ACADVL: variants seen among roughly 807,000 people sequenced by gnomAD.
The protein encoded by ACADVL is very long-chain acyl-CoA dehydrogenase, mitochondrial.
ACADVL carries 73 observed loss-of-function variants against 80.4 expected under a neutral mutation model. The ratio of observed to expected loss-of-function variants is 0.91; its 90% CI spans 0.75 to 1.10. The LOEUF is 1.10. Among genes scored for constraint, ACADVL ranks in the 50% least tolerant of loss-of-function variants. ACADVL has a pLI of 0.00. For synonymous variants in ACADVL, 392 were observed against 326.5 expected (o/e 1.20, Z -2.16); for missense variants, 878 against 858.9 (o/e 1.02, Z -0.28).
Position 7,224,394 on chromosome 17 carries a change from G to A in ACADVL, c.1605+1G>A. 1.2e-6 allele frequency: 2 copies of A among 1,613,796 alleles called. No individual in the cohort carries two copies. The highest frequency in any genetic ancestry group is 1.7e-6 in the Non-Finnish European group (2 of 1,179,876). ...GGAGTTGAGTCGGAGTGGCGAGCTGGTAAGTGGCCAGGGGTCCAGGAGAGC... is the reference window on the plus strand; with the variant it reads ...GGAGTTGAGTCGGAGTGGCGAGCTGATAAGTGGCCAGGGGTCCAGGAGAGC... On this transcript the variant is annotated splice_donor_variant, in intron 16 of 19. Transcript: ENST00000356839. LOFTEE classifies it high-confidence loss of function.
intron 6 of ACADVL, 80 bp downstream of exon 6, chr17:7,221,138 A>T: frequency 1.2e-6 from 2 of 1,600,646 alleles, no homozygotes; most frequent in Non-Finnish European, 1.7e-6. Context: ...AGACCTAGAG[A>T]CTAGGGCTAA....
chr17:7,218,099 G>C (rs771980584), upstream of ACADVL: 2 of 748,644 alleles, frequency 2.7e-6, no homozygotes, highest in African/African-American at 3.5e-5. Flanking sequence ...GTGCATTCTC[G>C]GTGCCCCAAG....
upstream of ACADVL, chr17:7,217,548 CGGGGG>C (rs2070983068): frequency 5.5e-6 from 1 of 183,368 alleles, no homozygotes; most frequent in Non-Finnish European, 6.2e-6. Flanking sequence ...GGGGCCGTGG[CGGGGG>C]AGTGGGGTGG....
chr17:7,224,177 G>A lies in ACADVL; in HGVS notation c.1466G>A (p.Ser489Asn). Residue 489 changes from serine (S) to asparagine (N), a missense_variant, in exon 15 of 20, where the codon AGT becomes AAT. By Grantham distance (46) the Ser-to-Asn change is conservative. Coordinates refer to ENST00000356839, the MANE Select transcript of ACADVL (RefSeq NM_000018.4). ...GGAAAGGAGCTCTCTGGGCTTGGCAGTGCTCTAAAGAATCCCTTTGGGAAT... is the reference window on the plus strand; with the variant it reads ...GGAAAGGAGCTCTCTGGGCTTGGCAATGCTCTAAAGAATCCCTTTGGGAAT... ...DKGKELSGLG[S>N]ALKNPFGNAG... is the part of the protein sequence containing the mutation. 6.2e-7 allele frequency: 1 copy of A among 1,614,148 alleles called. No homozygotes were observed. The highest frequency in any genetic ancestry group is 8.5e-7 in the Non-Finnish European group (1 of 1,180,026).
chr17:7,219,921 T>TGGGCGTGCAGGACTC, upstream of ACADVL: 1 of 1,555,336 alleles, frequency 6.4e-7, no homozygotes. Flanking sequence ...CGCCAGGACG[T>TGGGCGTGCAGGACTC]GGGCGTGCAG....
intron 9 of ACADVL, 92 bp downstream of exon 9, chr17:7,222,394 G>A: frequency 1.9e-6 from 3 of 1,544,106 alleles, no homozygotes; most frequent in South Asian, 2.4e-5. Flanking sequence ...GGGGACGTGT[G>A]CAAAAGCCAA....
At chr17:7,218,160 G>T, upstream of ACADVL, 1 of 1,300,848 alleles carries the variant, frequency 7.7e-7, no homozygotes. Flanking sequence ...CAAGATTCCA[G>T]GTAATATTAG....
chr17:7,224,762 G>A (rs1478376757), intron 18 of ACADVL, 47 bp from the exon 19 acceptor site: 3 of 1,613,382 alleles, frequency 1.9e-6, no homozygotes, highest in Non-Finnish European at 2.5e-6. Context: ...GCCTGGGCCT[G>A]GATCCCAGCC....
chr17:7,221,898 A>C (rs1567563763), intron 7 of ACADVL, 54 bp from the exon 8 acceptor site: 2 of 1,613,518 alleles, frequency 1.2e-6, no homozygotes, highest in East Asian at 4.5e-5. Flanking sequence ...AAGTGGGCCG[A>C]GGGGACTTTG....
chr17:7,222,102 C>G, intron 8 of ACADVL, 21 bp downstream of exon 8: 2 of 1,614,170 alleles, frequency 1.2e-6, no homozygotes, highest in Non-Finnish European at 1.7e-6. Flanking sequence ...TCCCATTTCT[C>G]CCCTTCTCCT....
chr17:7,219,390 TG>T (rs545407818), upstream of ACADVL: 6 of 1,014,212 alleles, frequency 5.9e-6, no homozygotes, highest in Non-Finnish European at 5.9e-6. Context: ...GCAGTGAATC[TG>T]GGGGGGTCTT....
Position 7,223,691 on chromosome 17 carries a change from C to G in ACADVL, c.1230C>G (p.Asp410Glu). 6.2e-7 allele frequency: 1 copy of G among 1,614,156 alleles called. No individual in the cohort carries two copies. The highest frequency in any genetic ancestry group is 1.3e-5 in the African/African-American group (1 of 75,042). ...VSANMDQGAT[D>E]FQIEAAISKI... Reference sequence around the variant, plus strand: ...CTAACATGGACCAGGGAGCCACGGACTTCCAGATAGAGGCCGCCATCAGCA... The same window carrying G: ...CTAACATGGACCAGGGAGCCACGGAGTTCCAGATAGAGGCCGCCATCAGCA... The change falls in exon 12 of 20, where the codon GAC becomes GAG. Residue 410 changes from aspartate (D) to glutamate (E), a missense_variant. Asp to Glu is a conservative substitution (Grantham distance 45). Transcript: ENST00000356839.
At chr17:7,217,786 C>A (rs72839706), upstream of ACADVL, 47,789 of 1,535,062 alleles carry the variant, frequency 0.031, 927 homozygotes, top group Middle Eastern at 0.041. Context: ...GGAGACCTGG[C>A]CAGCCACCAG....
chr17:7,222,937 A>T lies in ACADVL; in HGVS notation c.1077+72A>T. 1.9e-6 allele frequency: 3 copies of T among 1,573,574 alleles called. No individual in the cohort carries two copies. The Admixed American group carries it at 5.1e-5, about 27-fold the overall frequency. On this transcript the variant is annotated intron_variant, in intron 10 of 19. Transcript: ENST00000356839. ...CTGTCCCCCTTGCCATGTGTCCCTGATCACTTGCAGGCACTCCCTACACTA... is the reference window on the plus strand; with the variant it reads ...CTGTCCCCCTTGCCATGTGTCCCTGTTCACTTGCAGGCACTCCCTACACTA...
At chr17:7,217,749 A>G, upstream of ACADVL, 1 of 1,535,278 alleles carries the variant, frequency 6.5e-7, no homozygotes, top group Non-Finnish European at 8.7e-7. Flanking sequence ...ATAGAAGCAG[A>G]AGCACAGAGG....
Position 7,221,580 on chromosome 17 carries a change from G to A in ACADVL, c.520G>A (p.Val174Met), listed in dbSNP as rs369560930. The change falls in exon 7 of 20, where the codon GTG (valine) becomes ATG (methionine). Residue 174 changes from valine to methionine, a missense_variant. Transcript: ENST00000356839. ...VEIVGMHDLG[V>M]GITLGAHQSI... ...GATCGTGGGCATGCATGACCTTGGCGTGGGCATTACCCTGGGGGCCCATCA... is the reference window on the plus strand; with the variant it reads ...GATCGTGGGCATGCATGACCTTGGCATGGGCATTACCCTGGGGGCCCATCA... 109 of 1,614,054 alleles carry A rather than the reference G, an allele frequency of 6.8e-5. No homozygotes were observed. The highest frequency in any genetic ancestry group is 1.2e-4 in the African/African-American group (9 of 75,016).
In ACADVL at chr17:7,224,976, A is replaced by G. The variant is rs760081772; in HGVS notation, c.1847A>G (p.Glu616Gly). 1.2e-6 allele frequency: 2 copies of G among 1,614,076 alleles called. No homozygotes were observed. The highest frequency in any genetic ancestry group is 4.5e-5 in the East Asian group (2 of 44,880). The change falls in exon 20 of 20, where the codon GAG becomes GGG. Residue 616 changes from glutamate (E) to glycine (G), a missense_variant. Transcript: ENST00000356839. ...CCCCAGGCTGCAGCTCGGATCCGAG[A>G]GGGCATGGCCGCCCTGCAGTCTGAC... is the stretch of plus-strand genomic sequence containing the variant. ...WCIEAAARIREGMAALQSDPW... is the reference protein window; with the variant it reads ...WCIEAAARIRGGMAALQSDPW...
In ACADVL at chr17:7,224,251, T is replaced by C; in HGVS notation, c.1532+8T>C. 1 of 1,613,724 alleles carries C rather than the reference T, an allele frequency of 6.2e-7. No individual in the cohort carries two copies. ...AGGCAAACAGCTGAGGCGGTAGGCTTAGGGCCAGAGCCAGGGGAGGGCAGG... is the reference window on the plus strand; with the variant it reads ...AGGCAAACAGCTGAGGCGGTAGGCTCAGGGCCAGAGCCAGGGGAGGGCAGG... On this transcript the variant is annotated splice_region_variant and intron_variant, in intron 15 of 19. Transcript: ENST00000356839.
chr17:7,218,726 C>T (rs2071050138), upstream of ACADVL: 1 of 1,563,612 alleles, frequency 6.4e-7, no homozygotes, highest in African/African-American at 1.4e-5. Context: ...CAGACTGTGC[C>T]CTTCACCCCA....
Sources: allele counts gnomAD v4.1 joint callset, GRCh38; gene constraint gnomAD v4.1.1; transcripts MANE v1.5; gene names NCBI Gene and HGNC (gene_info 2026-07-23, HGNC 2026-07-21).